The following FHIT variants were observed in gnomAD, a reference collection of about 807,000 sequenced individuals.
FHIT encodes bis(5'-adenosyl)-triphosphatase.
A neutral mutation model predicts 17.9 loss-of-function variants in FHIT; 19 were observed. The ratio of observed to expected loss-of-function variants is 1.06; its 90% CI spans 0.74 to 1.56. The LOEUF (loss-of-function observed/expected upper bound fraction) is 1.56. FHIT is among the 40% of genes most tolerant of loss of function. The pLI, the probability that FHIT is intolerant of heterozygous loss-of-function variation, is 0.00. For missense variants in FHIT, 248 were observed against 189.2 expected (o/e 1.31, Z -1.82); for synonymous variants, 81 against 69.7 (o/e 1.16, Z -0.81).
intron 4 of FHIT, among the ~76,000 whole-genome samples, chr3:60,818,994 C>G (rs914175245): frequency 1.3e-5 from 2 of 149,796 alleles, no homozygotes; most frequent in Non-Finnish European, 3.0e-5. Flanking sequence ...TTTTTATTCT[C>G]TAATGCTTCC....
intron 5 of FHIT, among the ~76,000 whole-genome samples, chr3:60,486,246 T>C (rs1473731249): frequency 6.6e-6 from 1 of 152,180 alleles, no homozygotes; most frequent in African/African-American, 2.4e-5. Flanking sequence ...GGCTAGAATT[T>C]CCAATAAAAA....
At chr3:60,314,030 C>A (rs752049846) in intron 5 of FHIT, among the ~76,000 whole-genome samples, 1 of 152,192 alleles carries the variant, frequency 6.6e-6, no homozygotes, top group Non-Finnish European at 1.5e-5. Context: ...CTTTCCCAAG[C>A]TGTCTACATC....
chr3:60,712,445 A>G (rs2041562073), intron 4 of FHIT, among the ~76,000 whole-genome samples: 1 of 151,866 alleles, frequency 6.6e-6, no homozygotes, highest in East Asian at 2.0e-4. Context: ...ATAAATGTAA[A>G]TGGACTAAAT....
chr3:60,551,259 A>T (rs1315640054), intron 4 of FHIT, among the ~76,000 whole-genome samples: 1 of 151,286 alleles, frequency 6.6e-6, no homozygotes, highest in Non-Finnish European at 1.5e-5. Flanking sequence ...AACTCGTGAT[A>T]ACAAAGATTC....
At chr3:60,991,317 G>A (rs762701788) in intron 3 of FHIT, among the ~76,000 whole-genome samples, 7 of 152,344 alleles carry the variant, frequency 4.6e-5, no homozygotes, top group East Asian at 3.9e-4. Flanking sequence ...CAGTGGATGC[G>A]GGATGAGGTC....
chr3:60,212,330 G>A (rs1703491775), intron 5 of FHIT, among the ~76,000 whole-genome samples: 1 of 152,088 alleles, frequency 6.6e-6, no homozygotes, highest in Admixed American at 6.6e-5. Context: ...ACGCCAAGTG[G>A]TATGCTTTGG....
At chr3:60,751,043 A>T (rs1553716695) in intron 4 of FHIT, among the ~76,000 whole-genome samples, 1 of 152,200 alleles carries the variant, frequency 6.6e-6, no homozygotes, top group Non-Finnish European at 1.5e-5. Context: ...TGTGACTAAC[A>T]AACTGCTGTC....
At chr3:59,796,985 A>G (rs1699802646) in intron 8 of FHIT, among the ~76,000 whole-genome samples, 1 of 152,164 alleles carries the variant, frequency 6.6e-6, no homozygotes. Context: ...CACTCTAAAA[A>G]TTTATTCCCC....
At chr3:59,982,749 C>A (rs1016841421) in intron 7 of FHIT, among the ~76,000 whole-genome samples, 11 of 152,042 alleles carry the variant, frequency 7.2e-5, no homozygotes, top group Non-Finnish European at 1.2e-4. Flanking sequence ...TTATTAGGTA[C>A]CAATAGATAA....
At chr3:60,637,723 T>C (rs1577011046) in intron 4 of FHIT, among the ~76,000 whole-genome samples, 1 of 152,088 alleles carries the variant, frequency 6.6e-6, no homozygotes, top group Non-Finnish European at 1.5e-5. Context: ...TGGTAAAAAA[T>C]TGAATTAGGT....
At chr3:60,930,024 C>T (rs1707860897) in intron 3 of FHIT, among the ~76,000 whole-genome samples, 1 of 152,142 alleles carries the variant, frequency 6.6e-6, no homozygotes, top group Non-Finnish European at 1.5e-5. Flanking sequence ...GAGATATTGA[C>T]CAATGGAACA....
chr3:60,741,732 T>C (rs1456746704), intron 4 of FHIT, among the ~76,000 whole-genome samples: 1 of 152,212 alleles, frequency 6.6e-6, no homozygotes, highest in Non-Finnish European at 1.5e-5. Flanking sequence ...GTACCTCCTT[T>C]GAAAAGCACT....
chr3:61,021,176 G>C (rs1428519772), intron 3 of FHIT, among the ~76,000 whole-genome samples: 1 of 152,130 alleles, frequency 6.6e-6, no homozygotes, highest in Non-Finnish European at 1.5e-5. Flanking sequence ...GGACCAAGCA[G>C]ACCTAACAGA....
intron 2 of FHIT, among the ~76,000 whole-genome samples, chr3:61,100,810 G>A (rs2035796260): frequency 6.6e-6 from 1 of 152,188 alleles, no homozygotes; most frequent in African/African-American, 2.4e-5. Context: ...CTAACGACCA[G>A]TGATGATGAG....
intron 2 of FHIT, among the ~76,000 whole-genome samples, chr3:61,073,807 T>C (rs1433333472): frequency 2.6e-5 from 4 of 152,146 alleles, no homozygotes; most frequent in East Asian, 3.9e-4. Context: ...ATTTAAATAA[T>C]AGAGGCTGAA....
chr3:59,931,307 G>C (rs1022153121), intron 7 of FHIT, among the ~76,000 whole-genome samples: 7 of 152,164 alleles, frequency 4.6e-5, no homozygotes, highest in African/African-American at 1.7e-4. Flanking sequence ...TACATGGCTG[G>C]ATTTCGCCTT....
intron 8 of FHIT, among the ~76,000 whole-genome samples, chr3:59,839,332 CAAAA>C (rs1176287082): frequency 6.3e-5 from 9 of 142,128 alleles, no homozygotes; most frequent in Admixed American, 5.6e-4. Flanking sequence ...AAAAAAAAAA[CAAAA>C]AGAAAAGAAA....
At chr3:60,333,126 A>T (rs1479934109) in intron 5 of FHIT, among the ~76,000 whole-genome samples, 2 of 152,234 alleles carry the variant, frequency 1.3e-5, no homozygotes, top group Non-Finnish European at 2.9e-5. Flanking sequence ...CATGACTTAT[A>T]ACATTGGCTG....
chr3:60,297,502 CATCT>C (rs1299424938), intron 5 of FHIT, among the ~76,000 whole-genome samples: 1 of 151,882 alleles, frequency 6.6e-6, no homozygotes, highest in African/African-American at 2.4e-5. Context: ...TTTCTGAACT[CATCT>C]ATTATTTCTA....
Sources: allele counts gnomAD v4.1 joint callset (sites outside exome capture counted in the v4.1 genomes callset), GRCh38; gene constraint gnomAD v4.1.1; transcripts MANE v1.5; gene names NCBI Gene and HGNC (gene_info 2026-07-23, HGNC 2026-07-21).